The following PFKFB3 variants were observed in gnomAD, a reference collection of about 807,000 sequenced individuals.
PFKFB3 encodes the protein 6-phosphofructo-2-kinase/fructose-2,6-bisphosphatase 3.
In PFKFB3, 33 loss-of-function variants were observed where a neutral mutation model predicts 68.0. That is an observed-to-expected ratio of 0.49 (90% CI 0.37 to 0.65). The LOEUF is 0.65. PFKFB3 is among the 30% of genes least tolerant of loss of function. PFKFB3 has a pLI of 0.00. For synonymous variants in PFKFB3, 315 were observed against 288.2 expected, an observed-to-expected ratio of 1.09 and a Z score of -0.94; for missense variants, 586 against 712.2, an observed-to-expected ratio of 0.82 and a Z score of 2.02.
At chr10:6,280,548 A>G in the PFKFB3 span, among the ~76,000 whole-genome samples, 3 of 152,130 alleles carry the variant, frequency 2.0e-5, no homozygotes, top group East Asian at 5.8e-4. Context: ...TTTGTGTTAG[A>G]TGTGAGCATA....
chr10:6,164,760 A>G (rs1211403412), intron 1 of PFKFB3, among the ~76,000 whole-genome samples: 1 of 152,140 alleles, frequency 6.6e-6, no homozygotes, highest in African/African-American at 2.4e-5. Context: ...AATAAGTTCA[A>G]GGAAAGGTAC....
chr10:6,163,660 C>G (rs184142233), intron 1 of PFKFB3, among the ~76,000 whole-genome samples: 5 of 151,986 alleles, frequency 3.3e-5, no homozygotes, highest in African/African-American at 7.2e-5. Context: ...TCCCGGGCCC[C>G]GGGAGCAGCT....
At chr10:6,225,480 A>G (rs1470705378) in intron 13 of PFKFB3, among the ~76,000 whole-genome samples, 4 of 152,134 alleles carry the variant, frequency 2.6e-5, no homozygotes, top group Non-Finnish European at 5.9e-5. Context: ...TGCCCCCGCT[A>G]TGGGATTGGG....
At chr10:6,147,920 AG>A (rs1841447797) in intron 1 of PFKFB3, among the ~76,000 whole-genome samples, 1 of 152,090 alleles carries the variant, frequency 6.6e-6, no homozygotes, top group Admixed American at 6.5e-5. Flanking sequence ...GAGGGTCTTC[AG>A]GGTACAACAG....
the PFKFB3 span, among the ~76,000 whole-genome samples, chr10:6,309,145 T>TA: frequency 1.3e-5 from 2 of 151,398 alleles, no homozygotes; most frequent in African/African-American, 2.4e-5. Flanking sequence ...AAAAAAATTG[T>TA]AAAAAATGAA....
chr10:6,323,413 G>T, the PFKFB3 span, among the ~76,000 whole-genome samples: 1 of 152,166 alleles, frequency 6.6e-6, no homozygotes, highest in Non-Finnish European at 1.5e-5. Context: ...ACCTCACTCT[G>T]CTCACAGGCT....
chr10:6,212,501 C>T (rs770684000), intron 1 of PFKFB3, among the ~76,000 whole-genome samples: 1 of 152,162 alleles, frequency 6.6e-6, no homozygotes, highest in Non-Finnish European at 1.5e-5. Flanking sequence ...ACCGGCCCTT[C>T]CCTCGGCAGG....
intron 1 of PFKFB3, among the ~76,000 whole-genome samples, chr10:6,208,264 G>C (rs1315402469): frequency 6.6e-6 from 1 of 151,588 alleles, no homozygotes; most frequent in Admixed American, 6.6e-5. Context: ...TTGCACAAAC[G>C]GGGTCTCTCT....
At chr10:6,150,346 C>A (rs1841533620) in intron 1 of PFKFB3, among the ~76,000 whole-genome samples, 1 of 152,182 alleles carries the variant, frequency 6.6e-6, no homozygotes. Context: ...ATAGGCCAGG[C>A]ACGGTGGCTC....
downstream of PFKFB3, among the ~76,000 whole-genome samples, chr10:6,239,191 CAG>C (rs1305937687): frequency 6.6e-6 from 1 of 152,166 alleles, no homozygotes; most frequent in Non-Finnish European, 1.5e-5. Flanking sequence ...GTTCCTGGCA[CAG>C]AGAGAGCACC....
chr10:6,286,040 T>C, the PFKFB3 span, among the ~76,000 whole-genome samples: 6 of 146,720 alleles, frequency 4.1e-5, no homozygotes, highest in Middle Eastern at 3.7e-3. Flanking sequence ...TGCAGTGGTG[T>C]GATCTTGGCT....
At position 6,203,028 on chromosome 10, in the gene PFKFB3, G is replaced by A; in HGVS notation, c.-233G>A. ...CCAGAGCTTTCCGAGCGGACGAGCC[G>A]GCCGTGCCGGGCATCCCCAGCCTCG... On this transcript the variant is annotated 5_prime_UTR_variant, in exon 1 of 15. Coordinates refer to ENST00000379775, the MANE Select transcript of PFKFB3 (RefSeq NM_004566.4). The A allele has an allele frequency of 5.8e-6, 8 of 1,372,768 alleles. No individual in the cohort carries two copies. Among genetic ancestry groups the A allele is most frequent in the Non-Finnish European group, 7.5e-6 (8 of 1,067,830 alleles). 85.0% of individuals were successfully genotyped at this position (1,372,768 alleles called of 1,614,324 possible). A position where few individuals can be genotyped will look rare whatever the true frequency, so the allele number is the denominator to read the frequency against.
At chr10:6,295,351 A>G in the PFKFB3 span, among the ~76,000 whole-genome samples, 2 of 151,910 alleles carry the variant, frequency 1.3e-5, no homozygotes, top group Non-Finnish European at 2.9e-5. Flanking sequence ...CCTCCCAAGT[A>G]GCTGGGATTA....
At chr10:6,259,542 T>TCCATC (rs1846521143), downstream of PFKFB3, among the ~76,000 whole-genome samples, 3 of 137,982 alleles carry the variant, frequency 2.2e-5, no homozygotes, top group African/African-American at 8.4e-5. Flanking sequence ...ATCCATCTGC[T>TCCATC]CATCCATCCA....
chr10:6,177,839 A>G (rs1375038330), intron 1 of PFKFB3, among the ~76,000 whole-genome samples: 1 of 152,070 alleles, frequency 6.6e-6, no homozygotes, highest in African/African-American at 2.4e-5. Flanking sequence ...TTTCTGATGC[A>G]GGGATAAGGT....
At chr10:6,223,816 C>T in intron 11 of PFKFB3, 142 bp from the exon 12 acceptor site, 1 of 721,538 alleles carries the variant, frequency 1.4e-6, no homozygotes. Context: ...GGGGTTTTGC[C>T]ATGTTGGTCA....
At chr10:6,190,618 A>T (rs1362607578) in intron 1 of PFKFB3, among the ~76,000 whole-genome samples, 4 of 152,208 alleles carry the variant, frequency 2.6e-5, no homozygotes. Context: ...CCTGGGCAAC[A>T]TCGTGAGACC....
intron 1 of PFKFB3, among the ~76,000 whole-genome samples, chr10:6,153,682 C>T (rs1436539076): frequency 2.0e-5 from 3 of 152,240 alleles, no homozygotes; most frequent in African/African-American, 4.8e-5. Context: ...GGTGAAACCC[C>T]TGTCTCTACT....
chr10:6,224,109 T>G, intron 12 of PFKFB3, 40 bp from the exon 13 acceptor site: 1 of 1,611,072 alleles, frequency 6.2e-7, no homozygotes, highest in Non-Finnish European at 8.5e-7. Context: ...TGCTGTCCCT[T>G]TAACAGCAGC....
Sources: gnomAD v4.1 joint callset for allele counts (sites outside exome capture counted in the v4.1 genomes callset) on GRCh38, gnomAD v4.1.1 for gene constraint, MANE v1.5 for transcripts, NCBI Gene and HGNC (gene_info 2026-07-23, HGNC 2026-07-21) for gene names.